SLC39A11: variants seen among roughly 807,000 people sequenced by gnomAD.
SLC39A11 encodes the protein zinc transporter ZIP11.
SLC39A11 carries 33 observed loss-of-function variants against 36.1 expected under a neutral mutation model. The observed-to-expected ratio is 0.91, with a 90% CI of 0.69 to 1.22. SLC39A11 has a LOEUF of 1.22. SLC39A11 is among the 50% of genes most tolerant of loss of function. The pLI, the probability that SLC39A11 is intolerant of heterozygous loss-of-function variation, is 0.00. For missense variants in SLC39A11, 432 were observed against 430.3 expected (o/e 1.00, Z -0.03); for synonymous variants, 166 against 170.3 (o/e 0.97, Z 0.20).
At chr17:72,751,859 G>A (rs2075168004) in intron 6 of SLC39A11, among the ~76,000 whole-genome samples, 1 of 151,872 alleles carries the variant, frequency 6.6e-6, no homozygotes, top group Admixed American at 6.6e-5. Flanking sequence ...TTACAGGTAT[G>A]AGCCACTGCA....
At chr17:73,039,731 G>C (rs2059047598) in intron 3 of SLC39A11, among the ~76,000 whole-genome samples, 3 of 152,170 alleles carry the variant, frequency 2.0e-5, no homozygotes, top group Admixed American at 2.0e-4. Context: ...AATTTTCGAA[G>C]CTTCACAGAT....
chr17:72,752,538 G>T (rs768322916), intron 6 of SLC39A11, among the ~76,000 whole-genome samples: 2 of 152,208 alleles, frequency 1.3e-5, no homozygotes, highest in East Asian at 3.9e-4. Flanking sequence ...GAGCCACCAC[G>T]CCCGGGCCTT....
chr17:72,766,960 A>C (rs569493036), intron 6 of SLC39A11, among the ~76,000 whole-genome samples: 1 of 152,240 alleles, frequency 6.6e-6, no homozygotes, highest in South Asian at 2.1e-4. Flanking sequence ...GTCACCCTCA[A>C]GATAACCTCC....
rs764175192 is a variant in SLC39A11, at chr17:72,900,159, AAG to A, written c.430+47591_430+47592del. 1.5e-4 allele frequency among the ~76,000 whole-genome samples: 9 copies of A among 58,972 alleles called. 1 individual carries two copies. The highest frequency in any genetic ancestry group is 2.0e-4 in the African/African-American group (4 of 20,414). 38.7% of individuals were successfully genotyped at this position (58,972 alleles called of 152,430 possible). A position where few individuals can be genotyped will look rare whatever the true frequency, so the allele number is the denominator to read the frequency against. On this transcript the variant is annotated intron_variant, in intron 5 of 9. Coordinates refer to ENST00000255559, the MANE Select transcript of SLC39A11 (RefSeq NM_139177.4). The stretch of plus-strand genomic sequence containing the variant: ...GAAAGAAAAAGAAAGAAAGAAAAGA[AAG>A]AAAGAAAGAAAGAAAGAAAGAAAGA...
intron 3 of SLC39A11, among the ~76,000 whole-genome samples, chr17:73,043,139 A>G (rs578226878): frequency 6.6e-6 from 1 of 152,336 alleles, no homozygotes; most frequent in South Asian, 2.1e-4. Flanking sequence ...TAAAAAGCAG[A>G]ACATCAAAGA....
At chr17:72,824,257 ACT>A (rs1251323089) in intron 6 of SLC39A11, among the ~76,000 whole-genome samples, 3 of 147,608 alleles carry the variant, frequency 2.0e-5, no homozygotes, top group Admixed American at 6.7e-5. Context: ...CTTCCCCTTC[ACT>A]CTCTCTCTCT....
intron 4 of SLC39A11, among the ~76,000 whole-genome samples, chr17:72,976,080 G>T (rs2087821431): frequency 1.4e-5 from 2 of 142,954 alleles, no homozygotes; most frequent in Admixed American, 7.6e-5. Flanking sequence ...TGAGGCAGGA[G>T]AATCACTTGA....
intron 7 of SLC39A11, among the ~76,000 whole-genome samples, chr17:72,676,102 A>ACACT (rs869131230): frequency 0.047 from 7,098 of 150,994 alleles, 404 homozygotes; most frequent in African/African-American, 0.13. Context: ...ACACACACAC[A>ACACT]CTTGCTGTAT....
rs1555698613 is a variant in SLC39A11, at chr17:73,062,461, C to CA, written c.147+22346dup. 1.0e-2 allele frequency among the ~76,000 whole-genome samples: 278 copies of CA among 27,822 alleles called. 23 individuals carry two copies. Among genetic ancestry groups the CA allele is most frequent in the Middle Eastern group, 0.017 (1 of 58 alleles). The allele number at this position is 27,822 out of a possible 152,430, so 18.3% of individuals were successfully genotyped here. ...TGGGTGATAGTGCCAGAGCTTGTCTCAAAAAAAAAAAAAAAAACTTTAGGT... is the reference window on the plus strand; with the variant it reads ...TGGGTGATAGTGCCAGAGCTTGTCTCAAAAAAAAAAAAAAAAAACTTTAGGT... On this transcript the variant is annotated intron_variant, in intron 3 of 9. Transcript: ENST00000255559.
At chr17:73,024,864 A>ATTT (rs1163840820) in intron 4 of SLC39A11, among the ~76,000 whole-genome samples, 44,497 of 98,132 alleles carry the variant, frequency 0.45, 10,220 homozygotes, top group Middle Eastern at 0.6. Context: ...TGCCCAGCTA[A>ATTT]TTTTTTTTTT....
chr17:73,007,544 G>A (rs1197813798), intron 4 of SLC39A11, among the ~76,000 whole-genome samples: 1 of 152,208 alleles, frequency 6.6e-6, no homozygotes, highest in Non-Finnish European at 1.5e-5. Context: ...AAAGGAGGAA[G>A]GTGGTTCCTG....
In SLC39A11 at chr17:72,705,218, C is replaced by T. The variant is rs7208630; in HGVS notation, c.671+31432G>A. On this transcript the variant is annotated intron_variant, in intron 7 of 9. Coordinates refer to ENST00000255559, the MANE Select transcript of SLC39A11 (RefSeq NM_139177.4). ...ACTAGAAACATGTCATTAAAGGAGACGCAAAAGTACACTATAATGATACTT... is the reference window on the plus strand; with the variant it reads ...ACTAGAAACATGTCATTAAAGGAGATGCAAAAGTACACTATAATGATACTT... Among the ~76,000 whole-genome samples, 419 of 152,170 alleles carry T rather than the reference C, an allele frequency of 2.8e-3. 2 individuals carry two copies. The highest frequency in any genetic ancestry group is 9.7e-3 in the African/African-American group (401 of 41,510).
intron 4 of SLC39A11, among the ~76,000 whole-genome samples, chr17:72,959,533 A>G (rs926949032): frequency 6.6e-6 from 1 of 151,686 alleles, no homozygotes; most frequent in African/African-American, 2.4e-5. Context: ...ACACAAAGGC[A>G]TAAGGATGAT....
At chr17:72,807,849 G>A (rs71380135) in intron 6 of SLC39A11, among the ~76,000 whole-genome samples, 3,888 of 152,252 alleles carry the variant, frequency 0.026, 120 homozygotes, top group African/African-American at 0.068. Flanking sequence ...CGAGGGGGTC[G>A]TGGGAACCCC....
intron 7 of SLC39A11, among the ~76,000 whole-genome samples, chr17:72,735,590 G>C (rs1278610599): frequency 6.6e-6 from 1 of 152,180 alleles, no homozygotes; most frequent in Non-Finnish European, 1.5e-5. Context: ...GTGAATTCAA[G>C]TACCTTTAGA....
chr17:73,061,941 A>G (rs1374748035), intron 3 of SLC39A11, among the ~76,000 whole-genome samples: 3 of 151,966 alleles, frequency 2.0e-5, no homozygotes, highest in Non-Finnish European at 4.4e-5. Flanking sequence ...TGCTGCAGTG[A>G]CCTCGTGTGA....
chr17:72,760,613 C>A (rs966014516), intron 6 of SLC39A11, among the ~76,000 whole-genome samples: 1 of 152,204 alleles, frequency 6.6e-6, no homozygotes, highest in African/African-American at 2.4e-5. Flanking sequence ...CAGACCTCCC[C>A]CAACACTGGG....
intron 3 of SLC39A11, among the ~76,000 whole-genome samples, chr17:73,058,765 T>C (rs2059749192): frequency 1.3e-5 from 2 of 152,192 alleles, no homozygotes; most frequent in African/African-American, 4.8e-5. Flanking sequence ...CTGACGCAGT[T>C]GAGTTCCTTT....
chr17:73,085,979 G>A (rs2060716363), intron 2 of SLC39A11, among the ~76,000 whole-genome samples: 1 of 152,160 alleles, frequency 6.6e-6, no homozygotes, highest in Admixed American at 6.5e-5. Context: ...AAAGAAACTG[G>A]AAAACAAGTA....
Sources: allele counts gnomAD v4.1 joint callset (sites outside exome capture counted in the v4.1 genomes callset), GRCh38; gene constraint gnomAD v4.1.1; transcripts MANE v1.5; gene names NCBI Gene and HGNC (gene_info 2026-07-23, HGNC 2026-07-21).